Variants in SPMIP2 observed in about 807,000 individuals in gnomAD.
SPMIP2 encodes the protein sperm microtubule inner protein 2.
At chr4:159,060,907 A>G in the SPMIP2 span, among the ~76,000 whole-genome samples, 2 of 151,940 alleles carry the variant, frequency 1.3e-5, no homozygotes, top group South Asian at 4.2e-4. Context: ...CAACATGGCA[A>G]AATCCTATAT....
the SPMIP2 span, among the ~76,000 whole-genome samples, chr4:158,900,326 G>T: frequency 2.0e-5 from 3 of 152,154 alleles, no homozygotes; most frequent in Non-Finnish European, 2.9e-5. Flanking sequence ...TGTTGATTTG[G>T]GGTGGAGAGT....
the SPMIP2 span, among the ~76,000 whole-genome samples, chr4:158,923,120 A>ATATC: frequency 6.6e-6 from 1 of 152,224 alleles, no homozygotes; most frequent in Non-Finnish European, 1.5e-5. Flanking sequence ...TTTGATCTAT[A>ATATC]TATCTATCTT....
At chr4:159,009,641 T>A in the SPMIP2 span, among the ~76,000 whole-genome samples, 1 of 152,142 alleles carries the variant, frequency 6.6e-6, no homozygotes, top group African/African-American at 2.4e-5. Flanking sequence ...TCCCCATGTT[T>A]CCGTTGCTAT....
the SPMIP2 span, chr4:158,905,467 T>C: frequency 6.6e-6 from 1 of 152,234 alleles, no homozygotes; most frequent in East Asian, 1.9e-4. Context: ...ATGACTATTT[T>C]TACTTTAAAA....
At chr4:158,990,737 G>T in the SPMIP2 span, among the ~76,000 whole-genome samples, 1 of 152,128 alleles carries the variant, frequency 6.6e-6, no homozygotes, top group African/African-American at 2.4e-5. Context: ...TCCCATTGAG[G>T]GGTGAGGGGC....
At chr4:158,912,947 A>G in the SPMIP2 span, among the ~76,000 whole-genome samples, 1 of 152,228 alleles carries the variant, frequency 6.6e-6, no homozygotes, top group Non-Finnish European at 1.5e-5. Context: ...TGCACTGAGC[A>G]TGAGGCAACG....
At chr4:159,038,173 T>C in the SPMIP2 span, among the ~76,000 whole-genome samples, 95 of 152,338 alleles carry the variant, frequency 6.2e-4, no homozygotes, top group African/African-American at 2.0e-3. Context: ...GAAGGGATAG[T>C]CCTGGGTCAA....
chr4:158,946,888 G>T, the SPMIP2 span, among the ~76,000 whole-genome samples: 1 of 152,216 alleles, frequency 6.6e-6, no homozygotes, highest in Non-Finnish European at 1.5e-5. Context: ...CTAGCACAGT[G>T]CCTGGTACAT....
At chr4:159,015,113 A>G in the SPMIP2 span, among the ~76,000 whole-genome samples, 8 of 152,242 alleles carry the variant, frequency 5.3e-5, no homozygotes, top group Non-Finnish European at 1.2e-4. Flanking sequence ...CAATATCGTC[A>G]GATGTTGACT....
the SPMIP2 span, among the ~76,000 whole-genome samples, chr4:159,018,005 GC>G: frequency 3.9e-5 from 6 of 152,178 alleles, no homozygotes; most frequent in African/African-American, 1.2e-4. Context: ...AAACTTGTCC[GC>G]CAAGCTGGAA....
chr4:158,932,165 T>C, the SPMIP2 span, among the ~76,000 whole-genome samples: 1 of 152,268 alleles, frequency 6.6e-6, no homozygotes, highest in East Asian at 1.9e-4. Flanking sequence ...CATCTGTTTA[T>C]GCAGTGTTCT....
chr4:158,970,441 G>A, the SPMIP2 span, among the ~76,000 whole-genome samples: 23 of 152,228 alleles, frequency 1.5e-4, no homozygotes, highest in South Asian at 3.9e-3. Context: ...TCAGAAGGCC[G>A]AGGTAGGAGG....
chr4:158,941,417 G>A, the SPMIP2 span, among the ~76,000 whole-genome samples: 4 of 152,174 alleles, frequency 2.6e-5, no homozygotes, highest in Non-Finnish European at 5.9e-5. Flanking sequence ...TACTCACTGG[G>A]TGGTTGAGGT....
At chr4:158,919,024 T>G in the SPMIP2 span, among the ~76,000 whole-genome samples, 1 of 152,204 alleles carries the variant, frequency 6.6e-6, no homozygotes, top group Non-Finnish European at 1.5e-5. Context: ...AACCTGAAGC[T>G]TATAGAAAAG....
At chr4:158,975,724 GGTAGT>G in the SPMIP2 span, among the ~76,000 whole-genome samples, 1 of 152,140 alleles carries the variant, frequency 6.6e-6, no homozygotes, top group East Asian at 1.9e-4. Context: ...TTTGAAGTCA[GGTAGT>G]GTAATGTCTC....
chr4:158,943,783 T>C, the SPMIP2 span, among the ~76,000 whole-genome samples: 1 of 151,252 alleles, frequency 6.6e-6, no homozygotes, highest in Admixed American at 6.6e-5. Flanking sequence ...AGCCCTTCTC[T>C]AGATCAAGCT....
chr4:158,951,389 T>TAGACA, the SPMIP2 span, among the ~76,000 whole-genome samples: 1 of 152,216 alleles, frequency 6.6e-6, no homozygotes, highest in Non-Finnish European at 1.5e-5. Flanking sequence ...CTGTACTGAA[T>TAGACA]ATTGTAGACA....
chr4:158,927,231 C>CT, the SPMIP2 span, among the ~76,000 whole-genome samples: 441 of 152,250 alleles, frequency 2.9e-3, no homozygotes, highest in African/African-American at 0.01. Context: ...TCTGGAGACT[C>CT]TTAAAAATGC....
the SPMIP2 span, among the ~76,000 whole-genome samples, chr4:158,959,910 T>G: frequency 6.6e-6 from 1 of 152,144 alleles, no homozygotes. Flanking sequence ...GCCAACAGCA[T>G]GAAATGAGTT....
Sources: allele counts gnomAD v4.1 joint callset (sites outside exome capture counted in the v4.1 genomes callset), GRCh38; gene constraint gnomAD v4.1.1; transcripts MANE v1.5; gene names NCBI Gene and HGNC (gene_info 2026-07-23, HGNC 2026-07-21).